IFNAR2: variants seen among roughly 807,000 people sequenced by gnomAD.
The protein encoded by IFNAR2 is interferon alpha/beta receptor 2.
In IFNAR2, 30 loss-of-function variants were observed where a neutral mutation model predicts 49.4. That is an observed-to-expected ratio of 0.61 (90% CI 0.45 to 0.82). The LOEUF (loss-of-function observed/expected upper bound fraction) is 0.82. Ranked by LOEUF, IFNAR2 falls within the 40% of genes least tolerant of loss-of-function variation. The probability of loss-of-function intolerance (pLI) is 0.00; values close to 1 mark genes in which losing one functional copy is unlikely to be tolerated. For missense variants in IFNAR2, 600 were observed against 622.7 expected, an observed-to-expected ratio of 0.96 and a Z score of 0.39; for synonymous variants, 224 against 234.5, an observed-to-expected ratio of 0.96 and a Z score of 0.41.
intron 1 of IFNAR2, among the ~76,000 whole-genome samples, chr21:33,239,122 A>G (rs1257559236): frequency 2.6e-5 from 4 of 152,146 alleles, no homozygotes; most frequent in Non-Finnish European, 5.9e-5. Flanking sequence ...GCATAGTTTC[A>G]TTGCCAGGTC....
intron 5 of IFNAR2, among the ~76,000 whole-genome samples, chr21:33,247,994 G>A (rs1311766472): frequency 6.6e-6 from 1 of 152,212 alleles, no homozygotes. Context: ...AGAATTTATA[G>A]TTCATGGTAT....
Position 33,241,934 on chromosome 21 carries a change from C to T in IFNAR2, c.12C>T (p.Ser4=). Residue 4 remains serine, a synonymous_variant, in exon 2 of 9, where the codon AGC becomes AGT. Transcript: ENST00000342136. MLL[S]QNAFIFRSLN... ...TAAAAATAGCAAAGATGCTTTTGAG[C>T]CAGAATGCCTTCATCTTCAGATCAC... is the stretch of plus-strand genomic sequence containing the variant. 1 of 1,611,994 alleles carries T rather than the reference C, an allele frequency of 6.2e-7. No homozygotes were observed.
At chr21:33,236,240 TCC>T (rs1428929325) in intron 1 of IFNAR2, among the ~76,000 whole-genome samples, 5 of 151,956 alleles carry the variant, frequency 3.3e-5, no homozygotes, top group African/African-American at 1.2e-4. Flanking sequence ...TTCACACAGG[TCC>T]CTGGGGCCCC....
Position 33,230,470 on chromosome 21 carries a change from C to T in IFNAR2, c.-84+254C>T, listed in dbSNP as rs1284389606. Reference sequence around the variant, plus strand: ...CTGCGCCCTCCACGCGTCGCCCCTGCTGGGAGTCCGCTTTCGTTGCACCCC... The same window carrying T: ...CTGCGCCCTCCACGCGTCGCCCCTGTTGGGAGTCCGCTTTCGTTGCACCCC... On this transcript the variant is annotated intron_variant, in intron 1 of 8. Transcript: ENST00000342136. This position sits in a 1 kb window ranked among gnomAD's most constrained non-coding sequence, Gnocchi z 5.5. The T allele has an allele frequency of 4.3e-6, 2 of 470,426 alleles. No individual in the cohort carries two copies. Among genetic ancestry groups the T allele is most frequent in the East Asian group, 7.0e-5 (1 of 14,282 alleles). The allele number at this position is 470,426 out of a possible 1,614,324, so 29.1% of individuals were successfully genotyped here.
rs369800912 is a variant in IFNAR2 at position 33,233,908 on chromosome 21, C to CA, written c.-84+3702dup. Among the ~76,000 whole-genome samples the CA allele has an allele frequency of 3.5e-3, 480 of 138,056 alleles. 9 individuals are homozygous for CA. The East Asian group carries it at 0.052, about 15-fold the overall frequency. 90.6% of individuals were successfully genotyped at this position (138,056 alleles called of 152,430 possible). Reference sequence around the variant, plus strand: ...ATTAATCTAGACAAAAATATACAGCCAAAAAAAAAAGAAGTCAGAGAGGAA... The same window carrying CA: ...ATTAATCTAGACAAAAATATACAGCCAAAAAAAAAAAGAAGTCAGAGAGGAA... On this transcript the variant is annotated intron_variant, in intron 1 of 8. Coordinates refer to ENST00000342136, the MANE Select transcript of IFNAR2 (RefSeq NM_001289125.3).
chr21:33,252,099 T>TCTAG, intron 6 of IFNAR2: 1 of 455,746 alleles, frequency 2.2e-6, no homozygotes, highest in Non-Finnish European at 4.5e-6. Flanking sequence ...TATCTATCTA[T>TCTAG]CTATCTATCT....
At position 33,263,369 on chromosome 21, in the gene IFNAR2, A is replaced by G; in HGVS notation, c.1417A>G (p.Ser473Gly). Reference sequence around the variant, plus strand: ...TGTGCAATCAAACCATTTGCTGGCCAGCGGGGAAGGGACACAGCCAACCTT... The same window carrying G: ...TGTGCAATCAAACCATTTGCTGGCCGGCGGGGAAGGGACACAGCCAACCTT... ...DNVQSNHLLA[S>G]GEGTQPTFPS... The change falls in exon 9 of 9, where the codon AGC (serine) becomes GGC (glycine). Residue 473 changes from serine (S) to glycine (G), a missense_variant. Ser to Gly is a moderately conservative substitution (Grantham distance 56). Transcript: ENST00000342136. 6.2e-7 allele frequency: 1 copy of G among 1,614,182 alleles called. No individual in the cohort carries two copies. Among genetic ancestry groups the G allele is most frequent in the South Asian group, 1.1e-5 (1 of 91,086 alleles).
chr21:33,252,084 CTAT>C (rs1363648056), intron 6 of IFNAR2: 10 of 190,588 alleles, frequency 5.2e-5, no homozygotes, highest in Non-Finnish European at 7.2e-5. Flanking sequence ...CCCCATCCAT[CTAT>C]CTATCTATCT....
chr21:33,232,023 A>G (rs1986099886), intron 1 of IFNAR2, among the ~76,000 whole-genome samples: 1 of 152,236 alleles, frequency 6.6e-6, no homozygotes, highest in Admixed American at 6.5e-5. Context: ...TACAGGCTCA[A>G]TCATCATGTT....
At chr21:33,237,078 G>GGTGGGT (rs57276350) in intron 1 of IFNAR2, among the ~76,000 whole-genome samples, 24 of 147,694 alleles carry the variant, frequency 1.6e-4, no homozygotes, top group East Asian at 8.1e-4. Flanking sequence ...GGGAGAATGG[G>GGTGGGT]GTGTGTGTGT....
Position 33,242,922 on chromosome 21 carries a change from G to A in IFNAR2, c.56-751G>A, listed in dbSNP as rs1431567315. Among the ~76,000 whole-genome samples the A allele has an allele frequency of 1.4e-4, 21 of 149,720 alleles. 1 individual carries two copies. Among genetic ancestry groups the A allele is most frequent in the East Asian group, 1.2e-3 (6 of 4,904 alleles). On this transcript the variant is annotated intron_variant, in intron 2 of 8. Coordinates refer to ENST00000342136, the MANE Select transcript of IFNAR2 (RefSeq NM_001289125.3). ...TCCTGCCTTAGCCTCCCAAGTAGAC[G>A]GGATTACAGGCACCCGCCACCATGC...
chr21:33,251,212 G>A (rs192656548), intron 6 of IFNAR2, among the ~76,000 whole-genome samples: 27 of 152,228 alleles, frequency 1.8e-4, no homozygotes, highest in Non-Finnish European at 3.4e-4. Flanking sequence ...CAGCAAAATC[G>A]ACTGAGAAAG....
In IFNAR2 at chr21:33,230,000, C is replaced by A. The variant is rs17860115; in HGVS notation, c.-300C>A. ...CCGCACTAAAGACGCTTCTTCCCGG[C>A]GGGTAGGAATCCCGCCGGCGAGCCG... On this transcript the variant is annotated 5_prime_UTR_variant, in exon 1 of 9. Coordinates refer to ENST00000342136, the MANE Select transcript of IFNAR2 (RefSeq NM_001289125.3). 309,129 of 984,242 alleles carry A rather than the reference C, an allele frequency of 0.31. 49,709 individuals are homozygous for A. Among genetic ancestry groups the A allele is most frequent in the East Asian group, 0.59 (5,107 of 8,712 alleles). 61.0% of individuals were successfully genotyped at this position (984,242 alleles called of 1,614,324 possible).
In IFNAR2 at chr21:33,262,774, CTTTT is replaced by C. The variant is rs34865572; in HGVS notation, c.841-7_841-4del. ...TACAGCTGATACGGACTCTCTCTCT[CTTTT>C]TTTTTTTTTTTAAGAATTTTCATAA... On this transcript the variant is annotated splice_polypyrimidine_tract_variant and intron_variant, in intron 8 of 8. Transcript: ENST00000342136. 2.4e-5 allele frequency: 34 copies of C among 1,415,536 alleles called. No individual in the cohort carries two copies. The African/African-American group carries it at 3.0e-4, about 12-fold the overall frequency. The allele number at this position is 1,415,536 out of a possible 1,614,324, so 87.7% of individuals were successfully genotyped here.
In IFNAR2 at chr21:33,241,796, G is replaced by A. The variant is rs1181909013; in HGVS notation, c.-83-44G>A. Reference sequence around the variant, plus strand: ...ACTAGGAATTTTACTATTCCTTACAGGTCTCTCATTATCTTGTCTTTGCTC... The same window carrying A: ...ACTAGGAATTTTACTATTCCTTACAAGTCTCTCATTATCTTGTCTTTGCTC... On this transcript the variant is annotated intron_variant, in intron 1 of 8. Transcript: ENST00000342136. 6 of 1,430,116 alleles carry A rather than the reference G, an allele frequency of 4.2e-6. No homozygotes were observed. The East Asian group carries it at 1.5e-4, about 36-fold the overall frequency. The allele number at this position is 1,430,116 out of a possible 1,614,324, so 88.6% of individuals were successfully genotyped here.
Position 33,260,477 on chromosome 21 carries a change from G to T in IFNAR2, c.710-120G>T, listed in dbSNP as rs61320088. ...CTCTGGTATTTCTCAATATAAAACT[G>T]TTTTTTCAAACCTTTGGTTTCTTGA... On this transcript the variant is annotated intron_variant, in intron 7 of 8. Coordinates refer to ENST00000342136, the MANE Select transcript of IFNAR2 (RefSeq NM_001289125.3). 1,900 of 904,136 alleles carry T rather than the reference G, an allele frequency of 2.1e-3. 39 individuals are homozygous for T. In the African/African-American group the frequency reaches 0.03, roughly 14 times the overall value. The allele number at this position is 904,136 out of a possible 1,614,324, so 56.0% of individuals were successfully genotyped here. A position where few individuals can be genotyped will look rare whatever the true frequency, so the allele number is the denominator to read the frequency against.
rs1988800103 is a variant in IFNAR2 at position 33,263,778 on chromosome 21, C to G, written c.*278C>G. On this transcript the variant is annotated 3_prime_UTR_variant, in exon 9 of 9. Coordinates refer to ENST00000342136, the MANE Select transcript of IFNAR2 (RefSeq NM_001289125.3). Reference sequence around the variant, plus strand: ...TAATGCACTTAGGATGTTTCTGCATCATGTCTACCAGGGAGCAGGGTTCCC... The same window carrying G: ...TAATGCACTTAGGATGTTTCTGCATGATGTCTACCAGGGAGCAGGGTTCCC... The G allele has an allele frequency of 5.1e-6, 2 of 388,794 alleles. No individual in the cohort carries two copies. The highest frequency in any genetic ancestry group is 4.7e-6 in the Non-Finnish European group (1 of 213,632). The allele number at this position is 388,794 out of a possible 1,614,324, so 24.1% of individuals were successfully genotyped here.
At position 33,263,606 on chromosome 21, in the gene IFNAR2, G is replaced by A. The variant is rs1052954297; in HGVS notation, c.*106G>A. 2 of 1,100,416 alleles carry A rather than the reference G, an allele frequency of 1.8e-6. No individual in the cohort carries two copies. The highest frequency in any genetic ancestry group is 2.5e-5 in the East Asian group (1 of 39,486). The allele number at this position is 1,100,416 out of a possible 1,614,324, so 68.2% of individuals were successfully genotyped here. A position where few individuals can be genotyped will look rare whatever the true frequency, so the allele number is the denominator to read the frequency against. The stretch of plus-strand genomic sequence containing the variant: ...GTCTGCAAGTGTTCTCCAAGGGAAG[G>A]AGGAGGAAACTGTGGTGTTCCTTTC... On this transcript the variant is annotated 3_prime_UTR_variant, in exon 9 of 9. Transcript: ENST00000342136.
intron 6 of IFNAR2, among the ~76,000 whole-genome samples, chr21:33,249,565 G>A (rs1222106829): frequency 6.6e-6 from 1 of 152,078 alleles, no homozygotes; most frequent in East Asian, 1.9e-4. Context: ...GGCAGGTTCT[G>A]TCCTCTCCTA....
Sources: gnomAD v4.1 joint callset for allele counts (sites outside exome capture counted in the v4.1 genomes callset) on GRCh38, gnomAD v4.1.1 for gene constraint, Gnocchi (gnomAD v3.1) non-coding constraint, MANE v1.5 for transcripts, NCBI Gene and HGNC (gene_info 2026-07-23, HGNC 2026-07-21) for gene names.